Variants in CDKL1 observed in about 807,000 individuals in gnomAD.
CDKL1 encodes cyclin-dependent kinase-like 1.
CDKL1 carries 41 observed loss-of-function variants against 42.0 expected under a neutral mutation model. That is an observed-to-expected ratio of 0.98 (90% CI 0.76 to 1.27). CDKL1 has a LOEUF of 1.27. CDKL1 is among the 50% of genes most tolerant of loss of function. CDKL1 has a pLI of 0.00. For synonymous variants in CDKL1, 153 were observed against 158.6 expected, an observed-to-expected ratio of 0.96 and a Z score of 0.26; for missense variants, 394 against 428.4, an observed-to-expected ratio of 0.92 and a Z score of 0.71.
At position 50,370,825 on chromosome 14, in the gene CDKL1, A is replaced by G. The variant is rs1296947406; in HGVS notation, c.169-11676T>C. 5.3e-5 allele frequency among the ~76,000 whole-genome samples: 8 copies of G among 152,204 alleles called. No individual in the cohort carries two copies. The East Asian group carries it at 1.2e-3, about 22-fold the overall frequency. ...TGACCAGATCTCACGAGAACTCACT[A>G]TCACGAAGACAACACCAAGTAATGA... is the stretch of plus-strand genomic sequence containing the variant. On this transcript the variant is annotated intron_variant, in intron 2 of 9. Coordinates refer to ENST00000395834, the MANE Select transcript of CDKL1 (RefSeq NM_004196.7).
chr14:50,334,856 C>G (rs2033166528), intron 7 of CDKL1: 1 of 439,280 alleles, frequency 2.3e-6, no homozygotes, highest in Non-Finnish European at 4.0e-6. Context: ...ACTTCCTGCT[C>G]TGATACCAAT....
rs542700406 is a variant in CDKL1 at position 50,358,044 on chromosome 14, A to G, written c.290+984T>C. 4 of 1,356,044 alleles carry G rather than the reference A, an allele frequency of 2.9e-6. No individual in the cohort carries two copies. The South Asian group carries it at 4.6e-5, about 15-fold the overall frequency. The allele number at this position is 1,356,044 out of a possible 1,614,324, so 84.0% of individuals were successfully genotyped here. On this transcript the variant is annotated intron_variant, in intron 3 of 9. Transcript: ENST00000395834. ...CTCACCCTGCAAGAGGCTGCCCTCA[A>G]CTTCAGGAAGGGACCCCCTCCTCCT... is the stretch of plus-strand genomic sequence containing the variant.
chr14:50,381,930 G>A (rs1472865400), intron 2 of CDKL1, among the ~76,000 whole-genome samples: 1 of 152,116 alleles, frequency 6.6e-6, no homozygotes, highest in Non-Finnish European at 1.5e-5. Context: ...GAGCCACTGT[G>A]CCTGGCCAGT....
At position 50,336,133 on chromosome 14, in the gene CDKL1, G is replaced by A. The variant is rs370943776; in HGVS notation, c.739-1512C>T. On this transcript the variant is annotated intron_variant, in intron 7 of 9. Coordinates refer to ENST00000395834, the MANE Select transcript of CDKL1 (RefSeq NM_004196.7). ...TCTGGATGAGGCCAACTGGTTGCCTGTGATACGCTGGAGCCCATCTGTGAG... is the reference window on the plus strand; with the variant it reads ...TCTGGATGAGGCCAACTGGTTGCCTATGATACGCTGGAGCCCATCTGTGAG... 4.4e-6 allele frequency: 6 copies of A among 1,365,644 alleles called. No homozygotes were observed. In the African/African-American group the frequency reaches 8.9e-5, roughly 20 times the overall value. The allele number at this position is 1,365,644 out of a possible 1,614,324, so 84.6% of individuals were successfully genotyped here. A position where few individuals can be genotyped will look rare whatever the true frequency, so the allele number is the denominator to read the frequency against.
chr14:50,397,278 A>G (rs777638535), upstream of CDKL1: 1 of 1,365,670 alleles, frequency 7.3e-7, no homozygotes. Flanking sequence ...TGTGCTGATC[A>G]GTGCTGCGGC....
chr14:50,336,683 G>C (rs1327407809), intron 7 of CDKL1, among the ~76,000 whole-genome samples: 2 of 152,148 alleles, frequency 1.3e-5, no homozygotes, highest in Admixed American at 1.3e-4. Flanking sequence ...TTCCTCAGTA[G>C]AAACTCAAGA....
chr14:50,368,629 T>C (rs2034497491), intron 2 of CDKL1, among the ~76,000 whole-genome samples: 1 of 152,088 alleles, frequency 6.6e-6, no homozygotes, highest in South Asian at 2.1e-4. Flanking sequence ...TTCTGTGACA[T>C]TAAAAAAAGG....
At chr14:50,392,489 A>AATAATG (rs138572340) in intron 2 of CDKL1, among the ~76,000 whole-genome samples, 14,996 of 147,212 alleles carry the variant, frequency 0.1, 982 homozygotes, top group African/African-American at 0.15. Context: ...TAATAATAAT[A>AATAATG]ATGAAAGAAC....
In CDKL1 at chr14:50,359,146, G is replaced by T. The variant is rs372201842; in HGVS notation, c.172C>A (p.Leu58Ile). Reference protein sequence around the residue: ...ALREIRMLKQLKHPNLVNLLE... With the variant: ...ALREIRMLKQIKHPNLVNLLE... The stretch of plus-strand genomic sequence containing the variant: ...AGGTTAACAAGGTTGGGATGCTTGA[G>T]TTGCTGAAAACACAAAAAAACAAGT... Residue 58 changes from leucine to isoleucine, a missense_variant, in exon 3 of 10, where the codon CTC (leucine) becomes ATC (isoleucine). Coordinates refer to ENST00000395834, the MANE Select transcript of CDKL1 (RefSeq NM_004196.7). 2.2e-5 allele frequency: 35 copies of T among 1,605,568 alleles called. 1 individual carries two copies. Among genetic ancestry groups the T allele is most frequent in the Non-Finnish European group, 2.9e-5 (34 of 1,174,942 alleles).
chr14:50,388,725 C>A (rs2035160882), intron 2 of CDKL1, among the ~76,000 whole-genome samples: 1 of 152,192 alleles, frequency 6.6e-6, no homozygotes, highest in Non-Finnish European at 1.5e-5. Context: ...GGACATAAAT[C>A]ATAGCGATAA....
Position 50,395,831 on chromosome 14 carries a change from C to A in CDKL1, c.38G>T (p.Gly13Val), listed in dbSNP as rs1328997377. The A allele has an allele frequency of 6.2e-7, 1 of 1,611,104 alleles. No individual in the cohort carries two copies. The highest frequency in any genetic ancestry group is 1.7e-5 in the Admixed American group (1 of 60,014). Residue 13 changes from glycine to valine, a missense_variant, in exon 2 of 10, where the codon GGA becomes GTA. By Grantham distance (109) the Gly-to-Val change is moderately radical. Coordinates refer to ENST00000395834, the MANE Select transcript of CDKL1 (RefSeq NM_004196.7). ...ACATTTGAAAACAACTCCATAGGAT[C>A]CTTCTCCAATTTTCCCAATTTTTTC... ...KYEKIGKIGEGSYGVVFKCRN... is the reference protein window; with the variant it reads ...KYEKIGKIGEVSYGVVFKCRN...
rs2034115948 is a variant in CDKL1 at position 50,358,192 on chromosome 14, C to T, written c.290+836G>A. ...ATCAGCGGAGCCCCCGGAGTCACTC[C>T]CACCCTTCTCAGTTACAGCCACAAC... On this transcript the variant is annotated intron_variant, in intron 3 of 9. Coordinates refer to ENST00000395834, the MANE Select transcript of CDKL1 (RefSeq NM_004196.7). 2.4e-6 allele frequency: 3 copies of T among 1,254,958 alleles called. No individual in the cohort carries two copies. In the South Asian group the frequency reaches 3.9e-5, roughly 17 times the overall value. The allele number at this position is 1,254,958 out of a possible 1,614,324, so 77.7% of individuals were successfully genotyped here.
intron 2 of CDKL1, among the ~76,000 whole-genome samples, chr14:50,360,807 TG>T (rs1254637845): frequency 2.6e-5 from 4 of 151,736 alleles, no homozygotes; most frequent in Non-Finnish European, 5.9e-5. Flanking sequence ...TGTGTGTGTG[TG>T]TGTGTGTGTG....
intron 2 of CDKL1, among the ~76,000 whole-genome samples, chr14:50,361,696 TG>T (rs374823136): frequency 7.9e-4 from 121 of 152,350 alleles, no homozygotes; most frequent in African/African-American, 2.8e-3. Flanking sequence ...ACAGTTGCAC[TG>T]GGGGTGAAGT....
In CDKL1 at chr14:50,354,853, C is replaced by A. The variant is rs376228653; in HGVS notation, c.290+4175G>T. Among the ~76,000 whole-genome samples, 6 of 151,974 alleles carry A rather than the reference C, an allele frequency of 3.9e-5. No homozygotes were observed. In the East Asian group the frequency reaches 7.7e-4, roughly 20 times the overall value. On this transcript the variant is annotated intron_variant, in intron 3 of 9. Coordinates refer to ENST00000395834, the MANE Select transcript of CDKL1 (RefSeq NM_004196.7). ...AGGTTCAAATGAGAAGTCTTTGAGT[C>A]TGATTTGGCAAGAATTATTTTTAAT...
chr14:50,361,041 A>T (rs1325610827), intron 2 of CDKL1, among the ~76,000 whole-genome samples: 1 of 152,132 alleles, frequency 6.6e-6, no homozygotes, highest in African/African-American at 2.4e-5. Context: ...TCTACTTTCA[A>T]TTCTTTTGGT....
chr14:50,357,002 C>T (rs2139443032), intron 3 of CDKL1: 1 of 152,286 alleles, frequency 6.6e-6, no homozygotes, highest in Middle Eastern at 3.4e-3. Flanking sequence ...ATCAGTGTTC[C>T]CAAGCCACTC....
chr14:50,335,277 CAG>C (rs2033196273), intron 7 of CDKL1, among the ~76,000 whole-genome samples: 1 of 111,572 alleles, frequency 9.0e-6, no homozygotes, highest in Non-Finnish European at 1.6e-5. Context: ...GCATGGGCGA[CAG>C]AGCAAGACCC....
At chr14:50,355,737 T>C (rs2034035679) in intron 3 of CDKL1, among the ~76,000 whole-genome samples, 1 of 152,198 alleles carries the variant, frequency 6.6e-6, no homozygotes, top group African/African-American at 2.4e-5. Flanking sequence ...GCCAGGGTGC[T>C]GGCAGGCATC....
Sources: gnomAD v4.1 joint callset for allele counts (sites outside exome capture counted in the v4.1 genomes callset) on GRCh38, gnomAD v4.1.1 for gene constraint, MANE v1.5 for transcripts, NCBI Gene and HGNC (gene_info 2026-07-23, HGNC 2026-07-21) for gene names.